The following TMEM200C variants were observed in gnomAD, a reference collection of about 807,000 sequenced individuals.
TMEM200C encodes the protein transmembrane protein TTMA.
For missense variants in TMEM200C, 966 were observed against 699.9 expected (o/e 1.38, Z -4.29); for synonymous variants, 462 against 324.7 (o/e 1.42, Z -4.55).
exon 3 of TMEM200C, chr18:5,884,259 T>A (rs965327998): frequency 6.6e-6 from 1 of 152,136 alleles, no homozygotes; most frequent in African/African-American, 2.4e-5. Context: ...TCAATTACCT[T>A]ATGAACATCT....
In TMEM200C at chr18:5,891,709, C is replaced by A. The variant is rs199715804; in HGVS notation, c.355G>T (p.Ala119Ser). 3.8e-5 allele frequency: 61 copies of A among 1,613,350 alleles called. No individual in the cohort carries two copies. Among genetic ancestry groups the A allele is most frequent in the Non-Finnish European group, 3.7e-5 (44 of 1,179,848 alleles). Residue 119 changes from alanine to serine, a missense_variant, in exon 3 of 3, where the codon GCT becomes TCT. Transcript: ENST00000581347. The surrounding 1 kb of genome is among the most constrained non-coding windows in gnomAD (Gnocchi z 4.7). ...GAACTGGAGTTGACACCCCCTGGAG[C>A]CCTAGGGTGGCTCCTGGACCGGTTT...
exon 2 of TMEM200C, chr18:5,895,309 C>T (rs80088338): frequency 0.14 from 21,892 of 151,674 alleles, 1,883 homozygotes; most frequent in East Asian, 0.41. Flanking sequence ...CCCTCCTCTC[C>T]GCCGCTCATC....
At chr18:5,895,658 C>T (rs1349764183) in intron 1 of TMEM200C, among the ~76,000 whole-genome samples, 136 bp from the exon 1 acceptor site, 1 of 149,312 alleles carries the variant, frequency 6.7e-6, no homozygotes, top group Non-Finnish European at 1.5e-5. Context: ...CGCCCGCCGC[C>T]CGTCCCTTCG....
Position 5,891,400 on chromosome 18 carries a change from C to T in TMEM200C, c.664G>A (p.Ala222Thr), listed in dbSNP as rs1195437260. 1.8e-5 allele frequency: 25 copies of T among 1,358,880 alleles called. No individual in the cohort carries two copies. The South Asian group carries it at 4.6e-4, about 25-fold the overall frequency. 84.2% of individuals were successfully genotyped at this position (1,358,880 alleles called of 1,614,324 possible). A position where few individuals can be genotyped will look rare whatever the true frequency, so the allele number is the denominator to read the frequency against. The change falls in exon 3 of 3, where the codon GCG becomes ACG. Residue 222 changes from alanine (A) to threonine (T), a missense_variant. Transcript: ENST00000581347. This position sits in a 1 kb window ranked among gnomAD's most constrained non-coding sequence, Gnocchi z 4.7. ...GCGGCGGCGGCCGCGGCGGCGGCCG[C>T]GGCGGCCGCCAGGTCTTTGGCGCGG...
In TMEM200C at chr18:5,891,765, G is replaced by T. The variant is rs752015355; in HGVS notation, c.299C>A (p.Thr100Asn). ...GCCACTGCTACTGCTGTTGGCCGTG[G>T]TTGGGACCCGGTGGCTGCTGCCCGC... Residue 100 changes from threonine to asparagine, a missense_variant, in exon 3 of 3, where the codon ACC becomes AAC. By Grantham distance (65) the Thr-to-Asn change is moderately conservative. Transcript: ENST00000581347. The surrounding 1 kb of genome is among the most constrained non-coding windows in gnomAD (Gnocchi z 4.7). 1.1e-5 allele frequency: 17 copies of T among 1,610,094 alleles called. No homozygotes were observed. The South Asian group carries it at 1.9e-4, about 18-fold the overall frequency.
exon 3 of TMEM200C, chr18:5,885,159 T>C (rs2095164462): frequency 6.6e-6 from 1 of 152,162 alleles, no homozygotes; most frequent in South Asian, 2.1e-4. Context: ...AAAGCTTCCC[T>C]AGTGATTCTG....
chr18:5,893,164 A>G (rs559537588), intron 2 of TMEM200C, among the ~76,000 whole-genome samples: 1 of 152,224 alleles, frequency 6.6e-6, no homozygotes, highest in African/African-American at 2.4e-5. Context: ...CTGACCCCTT[A>G]TTAAGGTGCC....
exon 3 of TMEM200C, chr18:5,890,635 C>A: frequency 1.2e-6 from 1 of 838,278 alleles, no homozygotes; most frequent in Non-Finnish European, 1.6e-6. Flanking sequence ...GCCCGGTAGT[C>A]CGGGAGCCCG....
exon 3 of TMEM200C, chr18:5,890,147 G>A: frequency 6.8e-7 from 1 of 1,478,956 alleles, no homozygotes; most frequent in Admixed American, 2.2e-5. Context: ...ACTGATTCAA[G>A]TGGGCGTTTC....
chr18:5,884,857 T>C (rs571824979), exon 3 of TMEM200C: 2 of 152,288 alleles, frequency 1.3e-5, no homozygotes, highest in South Asian at 4.1e-4. Flanking sequence ...AGTTTAAAGA[T>C]ACTGGAGTTT....
At position 5,891,161 on chromosome 18, in the gene TMEM200C, G is replaced by C. The variant is rs1203466078; in HGVS notation, c.903C>G (p.Ser301=). 3.6e-6 allele frequency: 2 copies of C among 559,278 alleles called. No individual in the cohort carries two copies. The highest frequency in any genetic ancestry group is 4.0e-5 in the African/African-American group (2 of 50,628). The allele number at this position is 559,278 out of a possible 1,614,324, so 34.6% of individuals were successfully genotyped here. A position where few individuals can be genotyped will look rare whatever the true frequency, so the allele number is the denominator to read the frequency against. ...GCGGGGAAGAGGCCAGGTCCGGCGG[G>C]GACGCGGCGCCCCGAGGGCGGCCGC... The change falls in exon 3 of 3, where the codon TCC becomes TCG. Residue 301 remains serine, a synonymous_variant. Transcript: ENST00000581347. The surrounding 1 kb of genome is among the most constrained non-coding windows in gnomAD (Gnocchi z 4.7).
exon 3 of TMEM200C, chr18:5,887,439 G>A (rs1387536394): frequency 1.3e-5 from 2 of 152,128 alleles, no homozygotes; most frequent in Admixed American, 1.3e-4. Context: ...GTCTGGAAAG[G>A]GATCTGGCAG....
chr18:5,891,492 C>T lies in TMEM200C; in HGVS notation c.572G>A (p.Arg191Gln), dbSNP rs772439672. The change falls in exon 3 of 3, where the codon CGG becomes CAG. Residue 191 changes from arginine (R) to glutamine (Q), a missense_variant. Transcript: ENST00000581347. The surrounding 1 kb of genome is among the most constrained non-coding windows in gnomAD (Gnocchi z 4.7). ...GTTGATGATTTTGGTCTTCTTGTCCCGGTTCTCGTGGAGGACCGCGTTTGC... is the reference window on the plus strand; with the variant it reads ...GTTGATGATTTTGGTCTTCTTGTCCTGGTTCTCGTGGAGGACCGCGTTTGC... 1 of 1,603,726 alleles carries T rather than the reference C, an allele frequency of 6.2e-7. No homozygotes were observed. Among genetic ancestry groups the T allele is most frequent in the Non-Finnish European group, 8.5e-7 (1 of 1,175,408 alleles).
At chr18:5,888,427 A>G (rs1431653525) in exon 3 of TMEM200C, 6 of 152,216 alleles carry the variant, frequency 3.9e-5, no homozygotes, top group Non-Finnish European at 5.9e-5. Flanking sequence ...GACGACGTAT[A>G]TTCACTCTTT....
chr18:5,890,325 T>C (rs1310521480), exon 3 of TMEM200C: 18 of 1,604,702 alleles, frequency 1.1e-5, no homozygotes, highest in Non-Finnish European at 1.4e-5. Context: ...GGGTGGCTCC[T>C]GGCTGGCACC....
chr18:5,890,892 C>A (rs766068583), exon 3 of TMEM200C: 2 of 682,818 alleles, frequency 2.9e-6, no homozygotes, highest in African/African-American at 1.8e-5. Context: ...CGCGTCCCCG[C>A]CCCTATCGCG....
At chr18:5,890,913 A>G (rs2095170006) in exon 3 of TMEM200C, 2 of 680,922 alleles carry the variant, frequency 2.9e-6, no homozygotes, top group African/African-American at 1.8e-5. Flanking sequence ...GCCCCCTTGC[A>G]AGGGCAGCAG....
At chr18:5,895,387 C>T (rs1399058216) in exon 2 of TMEM200C, 3 of 151,372 alleles carry the variant, frequency 2.0e-5, no homozygotes, top group African/African-American at 7.3e-5. Context: ...CGCCGGCCCT[C>T]GCGCCTCTTT....
chr18:5,894,638 C>G (rs2095174177), intron 2 of TMEM200C, among the ~76,000 whole-genome samples: 1 of 152,216 alleles, frequency 6.6e-6, no homozygotes, highest in South Asian at 2.1e-4. Flanking sequence ...CTCTGAGGCT[C>G]GGAGGCTCGG....
Sources: allele counts gnomAD v4.1 joint callset (sites outside exome capture counted in the v4.1 genomes callset), GRCh38; gene constraint gnomAD v4.1.1; non-coding constraint Gnocchi (gnomAD v3.1); transcripts MANE v1.5; gene names NCBI Gene and HGNC (gene_info 2026-07-23, HGNC 2026-07-21).